UVRAG: variants seen among roughly 807,000 people sequenced by gnomAD.
UVRAG encodes UV radiation resistance associated, also known as UV radiation resistance-associated gene protein.
Under a neutral mutation model 78.0 loss-of-function variants are expected in UVRAG, and 19 were observed. The ratio of observed to expected loss-of-function variants is 0.24; its 90% CI spans 0.17 to 0.36. The LOEUF is 0.36. Ranked by LOEUF, UVRAG falls within the 10% of genes least tolerant of loss-of-function variation. The pLI, the probability that UVRAG is intolerant of heterozygous loss-of-function variation, is 1.00. For synonymous variants in UVRAG, 323 were observed against 324.6 expected (o/e 1.00, Z 0.05); for missense variants, 740 against 853.8 (o/e 0.87, Z 1.66).
At chr11:75,818,715 G>A (rs1037904344) in intron 1 of UVRAG, among the ~76,000 whole-genome samples, 1 of 152,156 alleles carries the variant, frequency 6.6e-6, no homozygotes, top group African/African-American at 2.4e-5. Flanking sequence ...CTGTCCTTGT[G>A]ATCCTCCCAC....
At chr11:76,067,462 G>T (rs1951212757) in intron 13 of UVRAG, among the ~76,000 whole-genome samples, 1 of 152,156 alleles carries the variant, frequency 6.6e-6, no homozygotes, top group African/African-American at 2.4e-5. Flanking sequence ...CTTGTCAAAA[G>T]TGCTCAGACT....
At chr11:75,958,236 T>C (rs184595962) in intron 6 of UVRAG, among the ~76,000 whole-genome samples, 1 of 152,322 alleles carries the variant, frequency 6.6e-6, no homozygotes, top group East Asian at 1.9e-4. Flanking sequence ...ACATATCAGT[T>C]GACTCTTCTT....
intron 3 of UVRAG, among the ~76,000 whole-genome samples, chr11:75,868,800 A>C (rs1222343453): frequency 1.3e-5 from 2 of 152,240 alleles, no homozygotes; most frequent in Non-Finnish European, 2.9e-5. Flanking sequence ...TCTGCCTTTA[A>C]CAGTTACAAA....
At chr11:75,971,350 G>C (rs1949117763) in intron 7 of UVRAG, among the ~76,000 whole-genome samples, 1 of 152,278 alleles carries the variant, frequency 6.6e-6, no homozygotes, top group African/African-American at 2.4e-5. Context: ...TCAGTATCCA[G>C]GTTAATATAT....
intron 5 of UVRAG, among the ~76,000 whole-genome samples, chr11:75,894,350 G>GA (rs1221299189): frequency 4.6e-4 from 67 of 147,100 alleles, no homozygotes; most frequent in African/African-American, 1.2e-3. Flanking sequence ...ATGGAATGAA[G>GA]AAAAAAAAAA....
chr11:75,906,841 G>A (rs959559556), intron 5 of UVRAG, among the ~76,000 whole-genome samples: 2 of 152,236 alleles, frequency 1.3e-5, no homozygotes, highest in South Asian at 2.1e-4. Context: ...TAGATGCATC[G>A]ATTTATTTCT....
intron 12 of UVRAG, among the ~76,000 whole-genome samples, chr11:76,061,478 C>T (rs1951092913): frequency 6.6e-6 from 1 of 152,200 alleles, no homozygotes; most frequent in Non-Finnish European, 1.5e-5. Flanking sequence ...AATCTTGCTG[C>T]TGCTCGCTCT....
chr11:76,120,375 A>G (rs1169023037), intron 14 of UVRAG, among the ~76,000 whole-genome samples: 1 of 152,110 alleles, frequency 6.6e-6, no homozygotes, highest in Non-Finnish European at 1.5e-5. Flanking sequence ...AATTTACTCA[A>G]ATTATTTACA....
At chr11:75,935,601 C>T (rs565998601) in intron 6 of UVRAG, among the ~76,000 whole-genome samples, 12 of 152,260 alleles carry the variant, frequency 7.9e-5, no homozygotes, top group Non-Finnish European at 1.3e-4. Context: ...GTTTGGGATA[C>T]TGCTACCTTA....
At chr11:75,918,828 A>G (rs1947915737) in intron 6 of UVRAG, among the ~76,000 whole-genome samples, 1 of 152,190 alleles carries the variant, frequency 6.6e-6, no homozygotes, top group Admixed American at 6.5e-5. Flanking sequence ...CATCTGGTAA[A>G]ATGAGAGTTG....
At chr11:76,140,690 T>G in intron 14 of UVRAG, 21 bp from the exon 15 acceptor site, 1 of 1,541,540 alleles carries the variant, frequency 6.5e-7, no homozygotes, top group Non-Finnish European at 8.7e-7. Context: ...AAGTAACTTC[T>G]TGTTTTTGTT....
At chr11:75,899,802 G>T (rs1947446735) in intron 5 of UVRAG, among the ~76,000 whole-genome samples, 1 of 152,186 alleles carries the variant, frequency 6.6e-6, no homozygotes, top group African/African-American at 2.4e-5. Flanking sequence ...ATTTATTATT[G>T]TAGAGTGGGC....
chr11:75,962,932 C>A (rs1948936381), intron 7 of UVRAG, among the ~76,000 whole-genome samples: 1 of 152,110 alleles, frequency 6.6e-6, no homozygotes, highest in Non-Finnish European at 1.5e-5. Flanking sequence ...AGCAAGGTAA[C>A]AGAATGTGTG....
rs138151953 is a variant in UVRAG, at chr11:75,919,731, G to A, written c.593+7692G>A. On this transcript the variant is annotated intron_variant, in intron 6 of 14. Transcript: ENST00000356136. ...TACTCACGAGAATTATGAGTGCACT[G>A]TCTTAGTTTTTAATAATGCTGTCTC... Among the ~76,000 whole-genome samples, 3 of 152,218 alleles carry A rather than the reference G, an allele frequency of 2.0e-5. No homozygotes were observed. The East Asian group carries it at 5.8e-4, about 29-fold the overall frequency.
intron 3 of UVRAG, among the ~76,000 whole-genome samples, chr11:75,868,568 A>C (rs540934509): frequency 2.0e-5 from 3 of 152,350 alleles, no homozygotes. Context: ...AGAACAATTC[A>C]TGGTGAATGT....
chr11:75,841,851 A>G (rs1945918077), intron 1 of UVRAG, among the ~76,000 whole-genome samples: 1 of 152,178 alleles, frequency 6.6e-6, no homozygotes, highest in African/African-American at 2.4e-5. Context: ...ATTACTCCAT[A>G]ACAAACAAAA....
intron 6 of UVRAG, among the ~76,000 whole-genome samples, chr11:75,939,129 A>G (rs987298022): frequency 6.6e-6 from 1 of 151,922 alleles, no homozygotes; most frequent in Non-Finnish European, 1.5e-5. Flanking sequence ...GATTAAATGC[A>G]GTCTCTGTCA....
In UVRAG at chr11:75,933,188, C is replaced by T. The variant is rs144981108; in HGVS notation, c.593+21149C>T. On this transcript the variant is annotated intron_variant, in intron 6 of 14. Transcript: ENST00000356136. ...TAGACCAGTGGAACAGAATAAAGAA[C>T]GCAGAAATAAATCCATACATCTACA... Among the ~76,000 whole-genome samples, 123 of 152,126 alleles carry T rather than the reference C, an allele frequency of 8.1e-4. 1 individual carries two copies. In the Middle Eastern group the frequency reaches 0.01, roughly 13 times the overall value.
chr11:76,012,695 C>G (rs78795065), intron 11 of UVRAG, among the ~76,000 whole-genome samples: 3,746 of 151,888 alleles, frequency 0.025, 142 homozygotes, highest in African/African-American at 0.085. Flanking sequence ...GTTACTGTTG[C>G]AGTATGCCAA....
Sources: gnomAD v4.1 joint callset for allele counts (sites outside exome capture counted in the v4.1 genomes callset) on GRCh38, gnomAD v4.1.1 for gene constraint, MANE v1.5 for transcripts, NCBI Gene and HGNC (gene_info 2026-07-23, HGNC 2026-07-21) for gene names.